The following CLPB variants were observed in gnomAD, a reference collection of about 807,000 sequenced individuals.
CLPB encodes the protein mitochondrial disaggregase.
In CLPB, 40 loss-of-function variants were observed where a neutral mutation model predicts 78.4. That is an observed-to-expected ratio of 0.51 (90% CI 0.40 to 0.66). The LOEUF (loss-of-function observed/expected upper bound fraction) is 0.66. Ranked by LOEUF, CLPB falls within the 30% of genes least tolerant of loss-of-function variation. CLPB has a pLI of 0.00. For missense variants in CLPB, 780 were observed against 886.9 expected (o/e 0.88, Z 1.53); for synonymous variants, 333 against 348.0 (o/e 0.96, Z 0.48).
rs533237459 is a variant in CLPB, at chr11:72,323,244, T to C, written c.874-6024A>G. ...GCAGATAAACCCAAATTGAGGGACA[T>C]TTTACAAAATAACCAACCTGCACTT... On this transcript the variant is annotated intron_variant, in intron 6 of 15. Coordinates refer to ENST00000538039, the MANE Select transcript of CLPB (RefSeq NM_001258392.3). Among the ~76,000 whole-genome samples the C allele has an allele frequency of 9.5e-4, 144 of 152,294 alleles. 2 individuals are homozygous for C. In the Middle Eastern group the frequency reaches 0.01, roughly 11 times the overall value.
At chr11:72,411,017 C>T (rs1162813976) in intron 2 of CLPB, 1 of 152,202 alleles carries the variant, frequency 6.6e-6, no homozygotes, top group African/African-American at 2.4e-5. Flanking sequence ...CTTGTTGCCA[C>T]CACAATCCCC....
intron 5 of CLPB, among the ~76,000 whole-genome samples, chr11:72,355,744 C>T (rs886873588): frequency 1.1e-4 from 16 of 152,204 alleles, no homozygotes; most frequent in Non-Finnish European, 2.1e-4. Context: ...CCTGATGCTT[C>T]TGTCTGAATC....
intron 4 of CLPB, among the ~76,000 whole-genome samples, chr11:72,379,320 G>A (rs552544636): frequency 6.6e-6 from 1 of 152,174 alleles, no homozygotes; most frequent in African/African-American, 2.4e-5. Flanking sequence ...CCCTATTGCT[G>A]GCAATGTCAG....
chr11:72,332,136 A>T (rs1415755328), intron 5 of CLPB, among the ~76,000 whole-genome samples: 1 of 151,472 alleles, frequency 6.6e-6, no homozygotes, highest in Non-Finnish European at 1.5e-5. Flanking sequence ...TGATAAATAT[A>T]TTTTTTTTTA....
intron 5 of CLPB, among the ~76,000 whole-genome samples, chr11:72,335,915 A>G (rs1160962118): frequency 8.5e-5 from 13 of 152,148 alleles, no homozygotes; most frequent in Admixed American, 8.5e-4. Flanking sequence ...CCTATAGACC[A>G]AAGTCCCCAG....
chr11:72,340,739 A>G (rs1287082169), intron 5 of CLPB, among the ~76,000 whole-genome samples: 1 of 152,244 alleles, frequency 6.6e-6, no homozygotes, highest in Non-Finnish European at 1.5e-5. Flanking sequence ...CATAGCTATA[A>G]TAACACAATG....
intron 2 of CLPB, among the ~76,000 whole-genome samples, chr11:72,424,822 T>C (rs757090361): frequency 6.6e-6 from 1 of 150,656 alleles, no homozygotes; most frequent in Non-Finnish European, 1.5e-5. Flanking sequence ...GGTGGCGGAG[T>C]TTGCAGTGAG....
At position 72,374,082 on chromosome 11, in the gene CLPB, C is replaced by CGA. The variant is rs369697356; in HGVS notation, c.646+6197_646+6198dup. Reference sequence around the variant, plus strand: ...GGCCAGATAATCCAATGACCCATGGCGAGAATCCCCTTTACAGAATCCATG... The same window carrying CGA: ...GGCCAGATAATCCAATGACCCATGGCGAGAGAATCCCCTTTACAGAATCCATG... On this transcript the variant is annotated intron_variant, in intron 4 of 15. Transcript: ENST00000538039. Among the ~76,000 whole-genome samples, 919 of 152,028 alleles carry CGA rather than the reference C, an allele frequency of 6.0e-3. 14 individuals are homozygous for CGA. Among genetic ancestry groups the CGA allele is most frequent in the African/African-American group, 0.021 (880 of 41,452 alleles).
chr11:72,381,520 TCAGGCCCACCTTGCAGATTCAATCTC>T (rs1854913187), intron 3 of CLPB, among the ~76,000 whole-genome samples: 1 of 152,096 alleles, frequency 6.6e-6, no homozygotes, highest in African/African-American at 2.4e-5. Flanking sequence ...GACTCAGGCT[TCAGGCCCACCTTGCAGATTCAATCTC>T]CAGGCCCATC....
chr11:72,413,316 CAAAT>C (rs749482076), intron 2 of CLPB, among the ~76,000 whole-genome samples: 1 of 151,640 alleles, frequency 6.6e-6, no homozygotes, highest in African/African-American at 2.4e-5. Flanking sequence ...GACAAAAAAA[CAAAT>C]AAATAAATAG....
At chr11:72,314,887 G>C (rs1949913890) in intron 7 of CLPB, among the ~76,000 whole-genome samples, 2 of 152,290 alleles carry the variant, frequency 1.3e-5, no homozygotes, top group South Asian at 4.1e-4. Flanking sequence ...AGCAGCAGGA[G>C]CAGGCCTGCA....
At chr11:72,348,382 AG>A (rs1733159570) in intron 5 of CLPB, among the ~76,000 whole-genome samples, 1 of 152,190 alleles carries the variant, frequency 6.6e-6, no homozygotes, top group Non-Finnish European at 1.5e-5. Context: ...CTCTTCCCCA[AG>A]ATCCTCCACA....
intron 4 of CLPB, among the ~76,000 whole-genome samples, chr11:72,367,197 TC>T (rs577414681): frequency 2.4e-4 from 37 of 152,332 alleles, no homozygotes; most frequent in African/African-American, 7.9e-4. Context: ...GGAGTCTCTC[TC>T]TGTTGCCCAG....
rs1949478460 is a variant in CLPB at position 72,293,046 on chromosome 11, G to A, written c.*321C>T. ...CTTCCTGGGAACATGAGAAAGTCTG[G>A]CGACTATGGGGGATGGGGATCATTC... On this transcript the variant is annotated 3_prime_UTR_variant, in exon 16 of 16. Transcript: ENST00000538039. 4.0e-6 allele frequency: 1 copy of A among 248,552 alleles called. No individual in the cohort carries two copies. Among genetic ancestry groups the A allele is most frequent in the Non-Finnish European group, 7.9e-6 (1 of 125,888 alleles). The allele number at this position is 248,552 out of a possible 1,614,324, so 15.4% of individuals were successfully genotyped here.
intron 5 of CLPB, chr11:72,336,612 C>T (rs1950326775): frequency 6.5e-6 from 1 of 153,194 alleles, no homozygotes; most frequent in South Asian, 2.1e-4. Context: ...TTTACATTCA[C>T]TCTTGCTTTC....
chr11:72,419,804 C>T (rs1026430747), intron 2 of CLPB, among the ~76,000 whole-genome samples: 1 of 152,138 alleles, frequency 6.6e-6, no homozygotes, highest in African/African-American at 2.4e-5. Flanking sequence ...TCTCTGTGTC[C>T]TTCCTTTGCA....
At chr11:72,363,184 A>AGGAAGGGAAG (rs1359395096) in intron 4 of CLPB, among the ~76,000 whole-genome samples, 4 of 147,128 alleles carry the variant, frequency 2.7e-5, no homozygotes, top group African/African-American at 5.0e-5. Context: ...AAAAGAAGGA[A>AGGAAGGGAAG]GGAAGGGAAG....
At position 72,293,501 on chromosome 11, in the gene CLPB, G is replaced by A; in HGVS notation, c.1900C>T (p.Pro634Ser). 6.2e-7 allele frequency: 1 copy of A among 1,614,186 alleles called. No homozygotes were observed. Among genetic ancestry groups the A allele is most frequent in the Non-Finnish European group, 8.5e-7 (1 of 1,180,036 alleles). Residue 634 changes from proline to serine, a missense_variant, in exon 16 of 16, where the codon CCA (proline) becomes TCA (serine). Around this residue, in one of 3 missense-constraint regions of CLPB, gnomAD observed 272 missense variants for 304.0 expected, o/e 0.89. Coordinates refer to ENST00000538039, the MANE Select transcript of CLPB (RefSeq NM_001258392.3). ...EDSDKQLLKS[P>S]ELPSPQAEKR... ...TCAGCCTGGGGTGAGGGCAGTTCTG[G>A]GCTTTTGAGTAGCTGCTTGTCTGAG...
chr11:72,349,820 C>T (rs1950581108), intron 5 of CLPB, among the ~76,000 whole-genome samples: 1 of 152,244 alleles, frequency 6.6e-6, no homozygotes, highest in Admixed American at 6.5e-5. Context: ...TTTCCAGGCT[C>T]AGTGCAGGTG....
Sources: allele counts gnomAD v4.1 joint callset (sites outside exome capture counted in the v4.1 genomes callset), GRCh38; gene constraint gnomAD v4.1.1; regional missense constraint gnomAD v4.1.1; transcripts MANE v1.5; gene names NCBI Gene and HGNC (gene_info 2026-07-23, HGNC 2026-07-21).